Variants in RANBP2 observed in about 807,000 individuals in gnomAD.
RANBP2 encodes E3 SUMO-protein ligase RanBP2.
RANBP2 carries 57 observed loss-of-function variants against 303.6 expected under a neutral mutation model. That is an observed-to-expected ratio of 0.19 (90% CI 0.15 to 0.23). The LOEUF is 0.23. Among genes scored for constraint, RANBP2 ranks in the 10% least tolerant of loss-of-function variants. The probability of loss-of-function intolerance (pLI) is 1.00; values close to 1 mark genes in which losing one functional copy is unlikely to be tolerated. For synonymous variants in RANBP2, 1,167 were observed against 1,301.5 expected, an observed-to-expected ratio of 0.90 and a Z score of 2.23; for missense variants, 3,138 against 3,780.8, an observed-to-expected ratio of 0.83 and a Z score of 4.46.
the RANBP2 span, among the ~76,000 whole-genome samples, chr2:109,240,766 C>T: frequency 2.6e-5 from 4 of 151,370 alleles, no homozygotes; most frequent in Non-Finnish European, 5.9e-5. Flanking sequence ...TTCCTCCTGT[C>T]GTCCTTCTCC....
At chr2:109,513,885 G>GCTAC in the RANBP2 span, among the ~76,000 whole-genome samples, 3 of 149,672 alleles carry the variant, frequency 2.0e-5, no homozygotes, top group African/African-American at 7.4e-5. Context: ...AAGCACTTCA[G>GCTAC]CTACCCCAGG....
chr2:108,809,860 C>T, the RANBP2 span, among the ~76,000 whole-genome samples: 1 of 152,140 alleles, frequency 6.6e-6, no homozygotes, highest in South Asian at 2.1e-4. Flanking sequence ...GGCTGGAGTG[C>T]AGCAGCACGA....
chr2:109,238,879 A>C, the RANBP2 span, among the ~76,000 whole-genome samples: 4 of 152,064 alleles, frequency 2.6e-5, no homozygotes, highest in African/African-American at 9.7e-5. Flanking sequence ...CCAAGGGAGG[A>C]TACAGCTCCA....
chr2:109,368,150 T>A, the RANBP2 span, among the ~76,000 whole-genome samples: 5 of 152,260 alleles, frequency 3.3e-5, no homozygotes, highest in Admixed American at 2.6e-4. Context: ...TTAAGGTATT[T>A]GTCTGCCTTT....
chr2:109,429,300 A>G, the RANBP2 span, among the ~76,000 whole-genome samples: 1 of 152,142 alleles, frequency 6.6e-6, no homozygotes, highest in Non-Finnish European at 1.5e-5. Context: ...GGTGTCCCCT[A>G]CGAGGCACCC....
chr2:109,529,593 T>A, the RANBP2 span, among the ~76,000 whole-genome samples: 1 of 152,194 alleles, frequency 6.6e-6, no homozygotes, highest in Non-Finnish European at 1.5e-5. Context: ...CAGTAGTGTT[T>A]GGGTTTCATT....
the RANBP2 span, among the ~76,000 whole-genome samples, chr2:109,361,904 G>A: frequency 1.3e-5 from 2 of 151,980 alleles, no homozygotes; most frequent in Non-Finnish European, 2.9e-5. Flanking sequence ...TAACATCCAT[G>A]GGACATACAG....
intron 1 of RANBP2, among the ~76,000 whole-genome samples, chr2:108,725,065 A>T (rs1816718): frequency 3.3e-5 from 5 of 152,208 alleles, no homozygotes; most frequent in Admixed American, 1.3e-4. Flanking sequence ...TGCAAGATAG[A>T]GATGATGTGG....
chr2:109,573,103 C>T, the RANBP2 span, among the ~76,000 whole-genome samples: 1 of 152,122 alleles, frequency 6.6e-6, no homozygotes. Flanking sequence ...ATTTGCTAAA[C>T]CCTCTATTTA....
At chr2:109,112,908 T>G in the RANBP2 span, among the ~76,000 whole-genome samples, 1 of 152,188 alleles carries the variant, frequency 6.6e-6, no homozygotes, top group African/African-American at 2.4e-5. Context: ...CCCCATTGCT[T>G]GTTTTTCTCA....
At chr2:109,729,599 G>A in the RANBP2 span, among the ~76,000 whole-genome samples, 2 of 152,066 alleles carry the variant, frequency 1.3e-5, no homozygotes, top group East Asian at 1.9e-4. Flanking sequence ...GCAGTGAGCC[G>A]AAATCACGCC....
the RANBP2 span, among the ~76,000 whole-genome samples, chr2:109,210,612 G>T: frequency 1.3e-5 from 2 of 152,292 alleles, no homozygotes; most frequent in South Asian, 4.1e-4. Flanking sequence ...CCAGCTCAGG[G>T]AAGTGCCTGG....
the RANBP2 span, among the ~76,000 whole-genome samples, chr2:109,556,284 G>A: frequency 1.3e-5 from 2 of 152,116 alleles, no homozygotes; most frequent in Non-Finnish European, 2.9e-5. Flanking sequence ...GTTTGACAGA[G>A]AATACAAATT....
the RANBP2 span, chr2:109,553,075 C>T: frequency 6.2e-7 from 1 of 1,609,776 alleles, no homozygotes; most frequent in Non-Finnish European, 8.5e-7. Flanking sequence ...CACATCAAAC[C>T]AGCATACTTG....
At chr2:109,564,011 T>C in the RANBP2 span, among the ~76,000 whole-genome samples, 1 of 152,218 alleles carries the variant, frequency 6.6e-6, no homozygotes, top group Non-Finnish European at 1.5e-5. Context: ...CTTACCTTTA[T>C]GACAACAGTT....
At chr2:109,486,059 G>A in the RANBP2 span, among the ~76,000 whole-genome samples, 1 of 152,250 alleles carries the variant, frequency 6.6e-6, no homozygotes, top group African/African-American at 2.4e-5. Flanking sequence ...CAACCCATGT[G>A]TGTCCCTGGC....
the RANBP2 span, among the ~76,000 whole-genome samples, chr2:109,586,490 T>C: frequency 2.6e-5 from 4 of 152,172 alleles, no homozygotes; most frequent in African/African-American, 7.2e-5. Context: ...TGGGTTAAGA[T>C]GTCCATTGGA....
chr2:108,720,711 G>C (rs1423003794), intron 1 of RANBP2, among the ~76,000 whole-genome samples: 1 of 152,208 alleles, frequency 6.6e-6, no homozygotes, highest in African/African-American at 2.4e-5. Context: ...TTGACACATA[G>C]CACTAAATGT....
At chr2:108,786,506 G>A (rs1360602784), downstream of RANBP2, among the ~76,000 whole-genome samples, 1 of 152,192 alleles carries the variant, frequency 6.6e-6, no homozygotes, top group Non-Finnish European at 1.5e-5. Flanking sequence ...GTTAAATGGA[G>A]CTGGAGCGGA....
Sources: gnomAD v4.1 joint callset for allele counts (sites outside exome capture counted in the v4.1 genomes callset) on GRCh38, gnomAD v4.1.1 for gene constraint, MANE v1.5 for transcripts, NCBI Gene and HGNC (gene_info 2026-07-23, HGNC 2026-07-21) for gene names.